The following IL12RB2 variants were observed in gnomAD, a reference collection of about 807,000 sequenced individuals.
IL12RB2 encodes the protein interleukin 12 receptor subunit beta 2.
A neutral mutation model predicts 89.4 loss-of-function variants in IL12RB2; 82 were observed. The ratio of observed to expected loss-of-function variants is 0.92; its 90% confidence interval spans 0.77 to 1.10. The LOEUF (loss-of-function observed/expected upper bound fraction) is 1.10. IL12RB2 is among the 50% of genes least tolerant of loss of function. The pLI is 0.00. For missense variants in IL12RB2, 963 were observed against 1,031.9 expected (o/e 0.93, Z 0.92); for synonymous variants, 368 against 370.1 (o/e 0.99, Z 0.07).
intron 13 of IL12RB2, among the ~76,000 whole-genome samples, chr1:67,373,048 G>A (rs975908065): frequency 2.6e-5 from 4 of 152,156 alleles, no homozygotes; most frequent in Admixed American, 6.5e-5. Context: ...AGTTCTCAAG[G>A]TGCTTACTCA....
At chr1:67,307,762 C>G (rs1654451755), upstream of IL12RB2, 1 of 152,238 alleles carries the variant, frequency 6.6e-6, no homozygotes, top group African/African-American at 2.4e-5. Flanking sequence ...CGCCCCGGCC[C>G]GATCCTCACT....
intron 13 of IL12RB2, among the ~76,000 whole-genome samples, chr1:67,376,054 G>T (rs1288048731): frequency 6.6e-6 from 1 of 151,936 alleles, no homozygotes; most frequent in Non-Finnish European, 1.5e-5. Context: ...CACCATGTTA[G>T]CCAGGATGGT....
At chr1:67,386,872 T>TTTA (rs1473033781) in intron 15 of IL12RB2, among the ~76,000 whole-genome samples, 2 of 48,436 alleles carry the variant, frequency 4.1e-5, no homozygotes, top group Non-Finnish European at 8.9e-5. Flanking sequence ...GAAATGTATT[T>TTTA]TATATATATA....
At chr1:67,363,575 A>G (rs574509727) in intron 10 of IL12RB2, among the ~76,000 whole-genome samples, 15 of 152,082 alleles carry the variant, frequency 9.9e-5, no homozygotes, top group African/African-American at 3.6e-4. Flanking sequence ...AATAATAGTA[A>G]CAATGTATTT....
intron 15 of IL12RB2, among the ~76,000 whole-genome samples, chr1:67,387,329 A>G (rs1034841723): frequency 1.3e-5 from 2 of 152,156 alleles, no homozygotes; most frequent in African/African-American, 4.8e-5. Context: ...ACGCCCAATG[A>G]TAAGGGATTG....
chr1:67,314,871 A>G (rs1315497817), intron 2 of IL12RB2, among the ~76,000 whole-genome samples: 2 of 121,850 alleles, frequency 1.6e-5, no homozygotes, highest in African/African-American at 6.6e-5. Context: ...TGTTTTCACC[A>G]TCTGGAAACT....
At chr1:67,355,422 GAAAAAAAAAA>G (rs1171395256) in intron 10 of IL12RB2, among the ~76,000 whole-genome samples, 3 of 93,712 alleles carry the variant, frequency 3.2e-5, no homozygotes, top group South Asian at 3.8e-4. Flanking sequence ...GTCTCAAAAA[GAAAAAAAAAA>G]AAAAAAAAAA....
Position 67,321,608 on chromosome 1 carries a change from G to A in IL12RB2, c.83G>A (p.Cys28Tyr). The change falls in exon 4 of 17, where the codon TGC (cysteine) becomes TAC (tyrosine). Residue 28 changes from cysteine (C) to tyrosine (Y), a missense_variant. Transcript: ENST00000674203. ...WLLIKAKIDA[C>Y]KRGDVTVKPS... ...CATCTGTATCTTATTGCAGATGCGT[G>A]CAAGAGAGGCGATGTGACTGTGAAG... The A allele has an allele frequency of 6.3e-7, 1 of 1,595,932 alleles. No homozygotes were observed. The highest frequency in any genetic ancestry group is 8.6e-7 in the Non-Finnish European group (1 of 1,163,748).
chr1:67,339,498 A>G (rs1333061144), intron 9 of IL12RB2, among the ~76,000 whole-genome samples: 2 of 152,092 alleles, frequency 1.3e-5, no homozygotes, highest in Non-Finnish European at 2.9e-5. Flanking sequence ...AAAAAAAAAA[A>G]AAAAGAAAAT....
At position 67,367,937 on chromosome 1, in the gene IL12RB2, A is replaced by G. The variant is rs1398206315; in HGVS notation, c.1371A>G (p.Glu457=). ...DPSAVQEYVV[E]WRELHPGGDT... is the part of the protein sequence containing the mutation. ...CTGCTGTTCAGGAGTACGTGGTGGAATGGAGAGAGCTCCATCCAGGGGGTG... is the reference window on the plus strand; with the variant it reads ...CTGCTGTTCAGGAGTACGTGGTGGAGTGGAGAGAGCTCCATCCAGGGGGTG... The change falls in exon 11 of 17, where the codon GAA becomes GAG. Residue 457 remains glutamate (E), a synonymous_variant. Coordinates refer to ENST00000674203, the MANE Select transcript of IL12RB2 (RefSeq NM_001374259.2). The G allele has an allele frequency of 3.1e-6, 5 of 1,608,850 alleles. No individual in the cohort carries two copies. Among genetic ancestry groups the G allele is most frequent in the Non-Finnish European group, 4.3e-6 (5 of 1,175,124 alleles).
In IL12RB2 at chr1:67,362,716, G is replaced by A. The variant is rs1453927130; in HGVS notation, c.1259-5109G>A. On this transcript the variant is annotated intron_variant, in intron 10 of 16. Transcript: ENST00000674203. Reference sequence around the variant, plus strand: ...CGCTGTGAAATTATACTTTAAAAGTGAAGGAGAAATAAGGACTTCCCACAT... The same window carrying A: ...CGCTGTGAAATTATACTTTAAAAGTAAAGGAGAAATAAGGACTTCCCACAT... 3.3e-5 allele frequency among the ~76,000 whole-genome samples: 5 copies of A among 152,098 alleles called. No individual in the cohort carries two copies. The East Asian group carries it at 9.6e-4, about 29-fold the overall frequency.
intron 10 of IL12RB2, among the ~76,000 whole-genome samples, chr1:67,367,185 G>C (rs1035090392): frequency 5.3e-5 from 8 of 152,008 alleles, no homozygotes; most frequent in Non-Finnish European, 2.9e-5. Flanking sequence ...TTGAGCCCAG[G>C]AGTTTGAGAT....
intron 4 of IL12RB2, among the ~76,000 whole-genome samples, chr1:67,325,031 A>G (rs1376625899): frequency 6.6e-6 from 1 of 152,228 alleles, no homozygotes; most frequent in Non-Finnish European, 1.5e-5. Context: ...TGTGACCTTC[A>G]ACATGTTACC....
chr1:67,364,777 G>A (rs1219916467), intron 10 of IL12RB2, among the ~76,000 whole-genome samples: 1 of 152,198 alleles, frequency 6.6e-6, no homozygotes, highest in Non-Finnish European at 1.5e-5. Context: ...TAAAGACATA[G>A]TTGAACTCAA....
intron 16 of IL12RB2, 126 bp from the exon 17 acceptor site, chr1:67,395,421 C>A: frequency 6.3e-7 from 1 of 1,578,136 alleles, no homozygotes; most frequent in Non-Finnish European, 8.6e-7. Flanking sequence ...AACTCCAGTG[C>A]CCAACATGTT....
chr1:67,366,678 T>C (rs893827560), intron 10 of IL12RB2, among the ~76,000 whole-genome samples: 1 of 152,204 alleles, frequency 6.6e-6, no homozygotes, highest in Non-Finnish European at 1.5e-5. Flanking sequence ...ATTTGCTCTA[T>C]AATCAAGCAA....
In IL12RB2 at chr1:67,337,297, C is replaced by G. The variant is rs530386368; in HGVS notation, c.959-1327C>G. Reference sequence around the variant, plus strand: ...AGCGCAGCCTCCCCTCAAATACACTCTAAGTTTCACTGTTGAGGAAATTAG... The same window carrying G: ...AGCGCAGCCTCCCCTCAAATACACTGTAAGTTTCACTGTTGAGGAAATTAG... On this transcript the variant is annotated intron_variant, in intron 8 of 16. Coordinates refer to ENST00000674203, the MANE Select transcript of IL12RB2 (RefSeq NM_001374259.2). 2.7e-3 allele frequency among the ~76,000 whole-genome samples: 404 copies of G among 152,308 alleles called. 2 individuals carry two copies. The highest frequency in any genetic ancestry group is 9.4e-3 in the African/African-American group (390 of 41,558).
intron 10 of IL12RB2, among the ~76,000 whole-genome samples, chr1:67,366,471 AAAAG>A (rs1193868268): frequency 2.6e-5 from 4 of 151,206 alleles, no homozygotes; most frequent in Non-Finnish European, 5.9e-5. Context: ...AAAAAAAAAA[AAAAG>A]AAGAGAAATC....
Position 67,349,093 on chromosome 1 carries a change from T to C in IL12RB2, c.1039-1777T>C, listed in dbSNP as rs148489298. Reference sequence around the variant, plus strand: ...AGCTAGATTTTCACAGCAGTCACTATGCACAGCCATTGGATCCAAGATAAC... The same window carrying C: ...AGCTAGATTTTCACAGCAGTCACTACGCACAGCCATTGGATCCAAGATAAC... On this transcript the variant is annotated intron_variant, in intron 9 of 16. Coordinates refer to ENST00000674203, the MANE Select transcript of IL12RB2 (RefSeq NM_001374259.2). 3.5e-3 allele frequency among the ~76,000 whole-genome samples: 530 copies of C among 152,324 alleles called. 4 individuals carry two copies. The highest frequency in any genetic ancestry group is 0.011 in the African/African-American group (468 of 41,574).
Sources: allele counts gnomAD v4.1 joint callset (sites outside exome capture counted in the v4.1 genomes callset), GRCh38; gene constraint gnomAD v4.1.1; transcripts MANE v1.5; gene names NCBI Gene and HGNC (gene_info 2026-07-23, HGNC 2026-07-21).